The following SLC36A2 variants were observed in gnomAD, a reference collection of about 807,000 sequenced individuals.
SLC36A2 encodes the protein proton-coupled amino acid transporter 2.
SLC36A2 carries 39 observed loss-of-function variants against 42.7 expected under a neutral mutation model. The observed-to-expected ratio is 0.91, with a 90% confidence interval of 0.71 to 1.19. The LOEUF is 1.19. Among genes scored for constraint, SLC36A2 ranks in the 50% most tolerant of loss-of-function variants. SLC36A2 has a pLI of 0.00. For synonymous variants in SLC36A2, 237 were observed against 240.8 expected (o/e 0.98, Z 0.15); for missense variants, 590 against 613.7 (o/e 0.96, Z 0.41).
chr5:151,345,338 C>T (rs1489755406), intron 1 of SLC36A2, among the ~76,000 whole-genome samples: 3 of 152,186 alleles, frequency 2.0e-5, no homozygotes, highest in African/African-American at 7.2e-5. Context: ...GATTAAACCT[C>T]AAGGCCACGA....
chr5:151,317,203 G>A, intron 9 of SLC36A2, 115 bp from the exon 10 acceptor site: 1 of 1,382,646 alleles, frequency 7.2e-7, no homozygotes, highest in Non-Finnish European at 1.0e-6. Flanking sequence ...TGTAATCCCA[G>A]CACTTTGGGA....
At chr5:151,347,218 C>T in intron 1 of SLC36A2, 79 bp downstream of exon 1, 2 of 1,555,982 alleles carry the variant, frequency 1.3e-6, no homozygotes, top group Non-Finnish European at 8.9e-7. Flanking sequence ...GAGGGTCAGA[C>T]ACACCCACCT....
chr5:151,326,625 G>T (rs930798386), intron 7 of SLC36A2, among the ~76,000 whole-genome samples: 1 of 151,998 alleles, frequency 6.6e-6, no homozygotes, highest in African/African-American at 2.4e-5. Flanking sequence ...ACATTTGAAG[G>T]TCTCTTCTGT....
chr5:151,344,379 A>C (rs1756435043), intron 1 of SLC36A2, 112 bp from the exon 2 acceptor site: 2 of 863,512 alleles, frequency 2.3e-6, no homozygotes, highest in South Asian at 2.9e-5. Context: ...GCCATCTCTC[A>C]GTCCATGAGT....
rs1260010418 is a variant in SLC36A2 at position 151,316,260 on chromosome 5, G to A, written c.*557C>T. The A allele has an allele frequency of 6.4e-6, 1 of 155,414 alleles. No homozygotes were observed. Among genetic ancestry groups the A allele is most frequent in the African/African-American group, 2.4e-5 (1 of 41,466 alleles). 9.6% of individuals were successfully genotyped at this position (155,414 alleles called of 1,614,324 possible). A position where few individuals can be genotyped will look rare whatever the true frequency, so the allele number is the denominator to read the frequency against. ...AAATTCATTGTGTGAATTATCATAA[G>A]CTTGGATAGAGTCCAGAGCCTTCCA... On this transcript the variant is annotated 3_prime_UTR_variant, in exon 10 of 10. Transcript: ENST00000335244.
intron 4 of SLC36A2, among the ~76,000 whole-genome samples, chr5:151,339,909 T>C (rs1008768416): frequency 1.3e-5 from 2 of 152,200 alleles, no homozygotes; most frequent in African/African-American, 4.8e-5. Context: ...CAAAAATTCT[T>C]AGATATAGCA....
chr5:151,340,223 A>G (rs1305974995), intron 4 of SLC36A2, among the ~76,000 whole-genome samples: 4 of 138,742 alleles, frequency 2.9e-5, no homozygotes, highest in Non-Finnish European at 4.7e-5. Context: ...GAGGGAGAGG[A>G]GGAGGAAGGG....
At chr5:151,335,305 GGCA>G in intron 6 of SLC36A2, 21 bp downstream of exon 6, 1 of 1,574,028 alleles carries the variant, frequency 6.4e-7, no homozygotes, top group Admixed American at 1.8e-5. Context: ...CAGTGGAGTG[GGCA>G]GGTGCATGGT....
chr5:151,338,951 C>T (rs1048276667), intron 5 of SLC36A2, 109 bp downstream of exon 5: 1 of 821,348 alleles, frequency 1.2e-6, no homozygotes, highest in Admixed American at 1.8e-5. Flanking sequence ...AGTTTAACTT[C>T]CTTTGTTACA....
chr5:151,330,695 A>G (rs1028270126), intron 7 of SLC36A2, among the ~76,000 whole-genome samples: 2 of 152,230 alleles, frequency 1.3e-5, no homozygotes, highest in East Asian at 1.9e-4. Context: ...ATGCATGACT[A>G]TTGAAAGCAA....
intron 7 of SLC36A2, among the ~76,000 whole-genome samples, chr5:151,332,162 C>T (rs1005988372): frequency 1.3e-5 from 2 of 151,798 alleles, no homozygotes; most frequent in African/African-American, 2.4e-5. Context: ...CCACCGCGCC[C>T]GGCTCCATCT....
In SLC36A2 at chr5:151,347,399, A is replaced by T; in HGVS notation, c.62T>A (p.Met21Lys). The T allele has an allele frequency of 6.2e-7, 1 of 1,614,254 alleles. No homozygotes were observed. The highest frequency in any genetic ancestry group is 1.1e-5 in the South Asian group (1 of 91,088). ...CTTCTTGGCACTTTCAGGAGGCGACATAAGGTCCAATTTGATGGCAACGGC... is the reference window on the plus strand; with the variant it reads ...CTTCTTGGCACTTTCAGGAGGCGACTTAAGGTCCAATTTGATGGCAACGGC... ...QGAVAIKLDL[M>K]SPPESAKKLE... The change falls in exon 1 of 10, where the codon ATG (methionine) becomes AAG (lysine). Residue 21 changes from methionine (M) to lysine (K), a missense_variant. Transcript: ENST00000335244.
intron 2 of SLC36A2, among the ~76,000 whole-genome samples, chr5:151,343,849 C>T (rs1009409982): frequency 2.0e-5 from 3 of 152,122 alleles, no homozygotes; most frequent in Non-Finnish European, 4.4e-5. Flanking sequence ...AGAATCCTGA[C>T]CATGTGTGCC....
intron 7 of SLC36A2, 76 bp from the exon 8 acceptor site, chr5:151,325,528 G>A: frequency 4.1e-6 from 6 of 1,457,560 alleles, no homozygotes; most frequent in Non-Finnish European, 5.7e-6. Flanking sequence ...ACTTCTGGAT[G>A]TCTACCCCAA....
chr5:151,329,618 A>G (rs1333637122), intron 7 of SLC36A2, among the ~76,000 whole-genome samples: 1 of 152,240 alleles, frequency 6.6e-6, no homozygotes, highest in Non-Finnish European at 1.5e-5. Flanking sequence ...TAAAAGAAAC[A>G]AATGGAAATA....
At chr5:151,328,917 A>G (rs1015531597) in intron 7 of SLC36A2, among the ~76,000 whole-genome samples, 1 of 152,184 alleles carries the variant, frequency 6.6e-6, no homozygotes, top group Non-Finnish European at 1.5e-5. Context: ...CTTTTCACTC[A>G]TTGCTCAACC....
At chr5:151,329,084 C>A (rs1755925372) in intron 7 of SLC36A2, among the ~76,000 whole-genome samples, 1 of 152,174 alleles carries the variant, frequency 6.6e-6, no homozygotes, top group South Asian at 2.1e-4. Context: ...CTCCTAAAAT[C>A]TGTGAATAAT....
chr5:151,335,546 A>C lies in SLC36A2; in HGVS notation c.527T>G (p.Val176Gly), dbSNP rs144959859. The stretch of plus-strand genomic sequence containing the variant: ...GGTTGTGCTATTAACAGCTTCCACT[A>C]CCTGAGGAAGGAATGGGAGAGGCAA... Reference protein sequence around the residue: ...IVFLADNLKQVVEAVNSTTNN... With the variant: ...IVFLADNLKQGVEAVNSTTNN... The change falls in exon 6 of 10, where the codon GTA (valine) becomes GGA (glycine). Residue 176 changes from valine (V) to glycine (G), a missense_variant and splice_region_variant. By Grantham distance (109) the Val-to-Gly change is moderately radical (BLOSUM62 -3). Coordinates refer to ENST00000335244, the MANE Select transcript of SLC36A2 (RefSeq NM_181776.3). 6.8e-6 allele frequency: 11 copies of C among 1,606,770 alleles called. No homozygotes were observed. The African/African-American group carries it at 9.4e-5, about 14-fold the overall frequency.
intron 7 of SLC36A2, among the ~76,000 whole-genome samples, chr5:151,327,774 A>T (rs1755893489): frequency 6.6e-6 from 1 of 152,012 alleles, no homozygotes; most frequent in African/African-American, 2.4e-5. Flanking sequence ...CTCTCTCCAC[A>T]ATCAGTCAGT....
Sources: gnomAD v4.1 joint callset for allele counts (sites outside exome capture counted in the v4.1 genomes callset) on GRCh38, gnomAD v4.1.1 for gene constraint, MANE v1.5 for transcripts, NCBI Gene and HGNC (gene_info 2026-07-23, HGNC 2026-07-21) for gene names.